PCDH11X: variants seen among roughly 807,000 people sequenced by gnomAD.
PCDH11X encodes the protein protocadherin-11 X-linked.
Under a neutral mutation model 53.3 loss-of-function variants are expected in PCDH11X, and 18 were observed. That is an observed-to-expected ratio of 0.34 (90% CI 0.23 to 0.50). PCDH11X has a LOEUF of 0.50. PCDH11X is among the 20% of genes least tolerant of loss of function. PCDH11X has a pLI of 0.98. For missense variants in PCDH11X, 570 were observed against 1,032.4 expected (o/e 0.55, Z 6.14); for synonymous variants, 279 against 393.3 (o/e 0.71, Z 3.44).
At chrX:91,808,102 A>G in intron 1 of PCDH11X, among the ~76,000 whole-genome samples, 2 of 112,096 alleles carry the variant, frequency 1.8e-5, no homozygotes, top group South Asian at 7.5e-4. Context: ...GGTCAAAATA[A>G]TAAACATTAA....
chrX:91,956,615 G>A lies in PCDH11X; in HGVS notation c.3033+77342G>A, dbSNP rs1420769581. Among the ~76,000 whole-genome samples, 3 of 108,825 alleles carry A rather than the reference G, an allele frequency of 2.8e-5. No homozygotes were observed. The East Asian group carries it at 8.9e-4, about 32-fold the overall frequency. 94.5% of individuals were successfully genotyped at this position (108,825 alleles called of 115,157 possible). A position where few individuals can be genotyped will look rare whatever the true frequency, so the allele number is the denominator to read the frequency against. ...TTCTGGCTTGTAGGATTTCCACTGA[G>A]AAGTCTGCTGTTAGTCTGATGGGTT... On this transcript the variant is annotated intron_variant, in intron 6 of 10. Coordinates refer to ENST00000682573, the MANE Select transcript of PCDH11X (RefSeq NM_032968.5).
intron 10 of PCDH11X, among the ~76,000 whole-genome samples, chrX:92,481,270 T>C (rs1407809895): frequency 1.2e-4 from 12 of 104,141 alleles, no homozygotes; most frequent in African/African-American, 4.2e-4. Context: ...CTGGCAGCAG[T>C]GGAAGGGCAG....
chrX:91,787,838 G>GAAC (rs764096957), intron 1 of PCDH11X, among the ~76,000 whole-genome samples: 6 of 109,126 alleles, frequency 5.5e-5, no homozygotes, highest in African/African-American at 1.3e-4. Context: ...CTAAAACAAT[G>GAAC]AACAACAACA....
chrX:92,534,334 C>T (rs751734885), intron 10 of PCDH11X, among the ~76,000 whole-genome samples: 45 of 109,713 alleles, frequency 4.1e-4, no homozygotes, highest in East Asian at 2.0e-3. Flanking sequence ...TGAAATGAAG[C>T]GAGAAGAGAA....
chrX:92,507,628 C>T (rs2074087792), intron 10 of PCDH11X, among the ~76,000 whole-genome samples: 1 of 111,000 alleles, frequency 9.0e-6, no homozygotes, highest in Non-Finnish European at 1.9e-5. Context: ...CGTTTGGATA[C>T]TAAATATGTG....
At position 92,180,262 on chromosome X, in the gene PCDH11X, C is replaced by T. The variant is rs764732705; in HGVS notation, c.3034-21113C>T. ...ATGAGGACAGCAAGGGGGAGGTCAG[C>T]CCCCATGGTTCAACCACCTCCCACC... is the stretch of plus-strand genomic sequence containing the variant. On this transcript the variant is annotated intron_variant, in intron 6 of 10. Coordinates refer to ENST00000682573, the MANE Select transcript of PCDH11X (RefSeq NM_032968.5). Among the ~76,000 whole-genome samples, 4 of 111,132 alleles carry T rather than the reference C, an allele frequency of 3.6e-5. No individual in the cohort carries two copies. The East Asian group carries it at 1.2e-3, about 32-fold the overall frequency.
chrX:92,206,411 T>A (rs755818494), intron 7 of PCDH11X, among the ~76,000 whole-genome samples: 1 of 112,400 alleles, frequency 8.9e-6, no homozygotes, highest in African/African-American at 3.2e-5. Context: ...GGTTAAATTA[T>A]TTCTGTTCCT....
At chrX:91,811,661 C>T (rs1298699968) in intron 4 of PCDH11X, among the ~76,000 whole-genome samples, 3 of 108,719 alleles carry the variant, frequency 2.8e-5, no homozygotes, top group South Asian at 4.1e-4. Flanking sequence ...CCCTCTGGAT[C>T]GTGCAAAGAT....
At chrX:92,114,633 T>A (rs929382345) in intron 6 of PCDH11X, among the ~76,000 whole-genome samples, 7 of 111,730 alleles carry the variant, frequency 6.3e-5, no homozygotes, top group African/African-American at 2.3e-4. Context: ...TATATCCCAA[T>A]TGTAGTTTCT....
chrX:92,315,402 G>A (rs1282866945), intron 8 of PCDH11X, among the ~76,000 whole-genome samples: 1 of 111,309 alleles, frequency 9.0e-6, no homozygotes, highest in Non-Finnish European at 1.9e-5. Context: ...TTGCTAGCTA[G>A]ATTGCTTGCT....
intron 6 of PCDH11X, among the ~76,000 whole-genome samples, chrX:92,098,217 T>C (rs1052875964): frequency 9.9e-5 from 11 of 110,852 alleles, no homozygotes; most frequent in South Asian, 7.6e-4. Context: ...TACACTAATC[T>C]AAGTAACCAA....
intron 10 of PCDH11X, among the ~76,000 whole-genome samples, chrX:92,578,169 A>G (rs1923204422): frequency 2.2e-5 from 2 of 92,786 alleles, no homozygotes; most frequent in Admixed American, 2.3e-4. Flanking sequence ...ATGAGAACAC[A>G]TGGACACAGG....
At chrX:92,486,093 C>A (rs758743973) in intron 10 of PCDH11X, among the ~76,000 whole-genome samples, 13 of 109,835 alleles carry the variant, frequency 1.2e-4, no homozygotes, top group African/African-American at 4.3e-4. Flanking sequence ...CCCCAAATAC[C>A]CAAACAATAA....
intron 5 of PCDH11X, among the ~76,000 whole-genome samples, chrX:91,838,062 C>T (rs1937368081): frequency 8.9e-6 from 1 of 111,771 alleles, no homozygotes; most frequent in African/African-American, 3.2e-5. Flanking sequence ...GTCTCTTCAA[C>T]TGACCATCTT....
chrX:92,506,954 C>A (rs985598878), intron 10 of PCDH11X, among the ~76,000 whole-genome samples: 4 of 109,588 alleles, frequency 3.7e-5, no homozygotes, highest in African/African-American at 1.3e-4. Flanking sequence ...TTTTATGTTG[C>A]CAGGAATGTA....
chrX:91,994,792 A>G (rs1037427761), intron 6 of PCDH11X, among the ~76,000 whole-genome samples: 21 of 111,011 alleles, frequency 1.9e-4, no homozygotes, highest in Non-Finnish European at 4.0e-4. Context: ...TATTCCCCCC[A>G]TCTTTGCTAA....
chrX:92,104,114 C>A (rs2064322272), intron 6 of PCDH11X, among the ~76,000 whole-genome samples: 1 of 111,096 alleles, frequency 9.0e-6, no homozygotes, highest in Admixed American at 9.7e-5. Flanking sequence ...CTTGACTATG[C>A]CTTTAGCTCC....
intron 8 of PCDH11X, among the ~76,000 whole-genome samples, chrX:92,358,581 A>G (rs1292272149): frequency 2.0e-5 from 2 of 97,942 alleles, no homozygotes; most frequent in African/African-American, 3.7e-5. Context: ...ATTATTACAT[A>G]TTTCTTTGCC....
At chrX:92,100,506 G>T (rs1295377934) in intron 6 of PCDH11X, among the ~76,000 whole-genome samples, 1 of 110,592 alleles carries the variant, frequency 9.0e-6, no homozygotes, top group South Asian at 3.9e-4. Flanking sequence ...CTTTCACAAG[G>T]TAATGTCATC....
Sources: gnomAD v4.1 joint callset for allele counts (sites outside exome capture counted in the v4.1 genomes callset) on GRCh38, gnomAD v4.1.1 for gene constraint, MANE v1.5 for transcripts, NCBI Gene and HGNC (gene_info 2026-07-23, HGNC 2026-07-21) for gene names.